WDR43: variants seen among roughly 807,000 people sequenced by gnomAD.
WDR43 encodes WD repeat-containing protein 43.
WDR43 carries 13 observed loss-of-function variants against 91.4 expected under a neutral mutation model. The ratio of observed to expected loss-of-function variants is 0.14; its 90% CI spans 0.09 to 0.23. The LOEUF (loss-of-function observed/expected upper bound fraction) is 0.23, where lower values mean the gene tolerates loss of function less well. Among genes scored for constraint, WDR43 ranks in the 10% least tolerant of loss-of-function variants. The pLI is 1.00. For missense variants in WDR43, 780 were observed against 809.4 expected (o/e 0.96, Z 0.44); for synonymous variants, 331 against 287.9 (o/e 1.15, Z -1.51).
chr2:28,916,959 A>C (rs1446083272), intron 5 of WDR43, among the ~76,000 whole-genome samples: 1 of 152,182 alleles, frequency 6.6e-6, no homozygotes, highest in African/African-American at 2.4e-5. Context: ...ACTACAACTC[A>C]TGTCTGAGTG....
At chr2:28,899,325 CAT>C (rs1274258409) in intron 1 of WDR43, among the ~76,000 whole-genome samples, 3 of 152,148 alleles carry the variant, frequency 2.0e-5, no homozygotes, top group South Asian at 2.1e-4. Context: ...CAGGGTATGA[CAT>C]GTGTCTTAAG....
At chr2:28,943,880 G>C (rs1022550049) in intron 16 of WDR43, among the ~76,000 whole-genome samples, 2 of 152,166 alleles carry the variant, frequency 1.3e-5, no homozygotes, top group African/African-American at 2.4e-5. Context: ...TGCTGTGGTG[G>C]GAGTACATGT....
At chr2:28,935,745 G>T in intron 12 of WDR43, 138 bp downstream of exon 12, 16 of 139,802 alleles carry the variant, frequency 1.1e-4, no homozygotes, top group Admixed American at 1.5e-4. Context: ...AAGTACTTTA[G>T]ACAAAAAAAA....
At chr2:28,897,398 C>G (rs1023315496) in intron 1 of WDR43, among the ~76,000 whole-genome samples, 1 of 152,018 alleles carries the variant, frequency 6.6e-6, no homozygotes, top group Non-Finnish European at 1.5e-5. Flanking sequence ...TGCTCTGAAC[C>G]CACTTTCCAG....
chr2:28,947,697 T>A lies in WDR43; in HGVS notation c.*918T>A, dbSNP rs1247551688. The A allele has an allele frequency of 6.6e-6, 1 of 151,798 alleles. No individual in the cohort carries two copies. The highest frequency in any genetic ancestry group is 1.5e-5 in the Non-Finnish European group (1 of 67,926). The allele number at this position is 151,798 out of a possible 1,614,324, so 9.4% of individuals were successfully genotyped here. A position where few individuals can be genotyped will look rare whatever the true frequency, so the allele number is the denominator to read the frequency against. ...GTTGGAATTTTTTTTCCAAAGAAAA[T>A]ATTTTTATAATTAAATAATTTAATG... On this transcript the variant is annotated 3_prime_UTR_variant, in exon 18 of 18. Coordinates refer to ENST00000407426, the MANE Select transcript of WDR43 (RefSeq NM_015131.3).
intron 3 of WDR43, among the ~76,000 whole-genome samples, chr2:28,909,891 G>A (rs1214162707): frequency 5.9e-5 from 9 of 152,154 alleles, no homozygotes; most frequent in African/African-American, 2.2e-4. Flanking sequence ...AGTATTGATT[G>A]GAAGGCTTGG....
At chr2:28,932,422 C>T (rs1404859129) in intron 11 of WDR43, among the ~76,000 whole-genome samples, 1 of 152,176 alleles carries the variant, frequency 6.6e-6, no homozygotes, top group Non-Finnish European at 1.5e-5. Flanking sequence ...CTTGGCCTCC[C>T]AGAATGCTGG....
At chr2:28,912,924 A>G (rs6730523) in intron 4 of WDR43, among the ~76,000 whole-genome samples, 101,246 of 150,206 alleles carry the variant, frequency 0.67, 34,779 homozygotes, top group East Asian at 0.85. Context: ...AAAAATGAAC[A>G]GAACCAATAT....
At chr2:28,911,761 A>G (rs1670805667) in intron 3 of WDR43, among the ~76,000 whole-genome samples, 1 of 151,880 alleles carries the variant, frequency 6.6e-6, no homozygotes, top group Non-Finnish European at 1.5e-5. Context: ...CCTCCAGAGT[A>G]GCTGGGACTA....
In WDR43 at chr2:28,925,104, C is replaced by T. The variant is rs1671103213; in HGVS notation, c.1037C>T (p.Ser346Leu). Residue 346 changes from serine to leucine, a missense_variant, in exon 8 of 18, where the codon TCA becomes TTA. Around this residue, in one of 4 missense-constraint regions of WDR43, gnomAD observed 426 missense variants for 467.8 expected, o/e 0.91. Coordinates refer to ENST00000407426, the MANE Select transcript of WDR43 (RefSeq NM_015131.3). ...GCTGGTTTTTGCTCAGACAAAATGT[C>T]ATTGTTGCTTGTATATGGCAGTTGG... is the stretch of plus-strand genomic sequence containing the variant. ...LAAGFCSDKM[S>L]LLLVYGSWFQ... is the part of the protein sequence containing the mutation. 6.2e-7 allele frequency: 1 copy of T among 1,613,778 alleles called. No homozygotes were observed. Among genetic ancestry groups the T allele is most frequent in the African/African-American group, 1.3e-5 (1 of 74,896 alleles).
At chr2:28,896,746 C>G (rs1303884193) in intron 1 of WDR43, among the ~76,000 whole-genome samples, 1 of 152,160 alleles carries the variant, frequency 6.6e-6, no homozygotes, top group Non-Finnish European at 1.5e-5. Context: ...ATGTGCAACA[C>G]TATGGTAAAC....
chr2:28,943,127 A>T (rs566409302), intron 16 of WDR43, among the ~76,000 whole-genome samples: 28 of 152,308 alleles, frequency 1.8e-4, no homozygotes, highest in South Asian at 1.5e-3. Flanking sequence ...AGGCCTTCAA[A>T]GAACAAATCT....
chr2:28,914,344 T>G (rs1670865797), intron 5 of WDR43, 136 bp downstream of exon 5: 7 of 1,133,302 alleles, frequency 6.2e-6, no homozygotes, highest in Admixed American at 3.3e-5. Context: ...AATAAAAAAT[T>G]GAGCCTGCCT....
chr2:28,929,825 A>C, intron 11 of WDR43, 115 bp downstream of exon 11: 1 of 1,131,922 alleles, frequency 8.8e-7, no homozygotes, highest in Non-Finnish European at 1.3e-6. Flanking sequence ...TTGGAATGTA[A>C]TGTTTTATGA....
chr2:28,946,287 C>CAA (rs753417663), intron 16 of WDR43, among the ~76,000 whole-genome samples, 163 bp from the exon 17 acceptor site: 1 of 130,004 alleles, frequency 7.7e-6, no homozygotes, highest in East Asian at 2.2e-4. Flanking sequence ...CTCCAGCCTG[C>CAA]AAAAAAAAAA....
chr2:28,901,929 T>G, intron 1 of WDR43, 58 bp from the exon 2 acceptor site: 1 of 1,487,936 alleles, frequency 6.7e-7, no homozygotes, highest in South Asian at 1.3e-5. Context: ...ATTTGTTCAT[T>G]AACGATGTTT....
intron 12 of WDR43, 122 bp from the exon 13 acceptor site, chr2:28,936,800 G>C (rs115869444): frequency 0.018 from 16,112 of 872,220 alleles, 217 homozygotes; most frequent in Middle Eastern, 0.039. Flanking sequence ...ACTGTATTAT[G>C]CGGTTTAAAA....
At chr2:28,914,318 A>G (rs756512622) in intron 5 of WDR43, 110 bp downstream of exon 5, 54 of 1,290,946 alleles carry the variant, frequency 4.2e-5, no homozygotes, top group Non-Finnish European at 5.2e-5. Flanking sequence ...CTAATGTTGG[A>G]TTTACATTGA....
At chr2:28,933,624 A>G (rs1176354730) in intron 11 of WDR43, among the ~76,000 whole-genome samples, 3 of 152,218 alleles carry the variant, frequency 2.0e-5, no homozygotes, top group Non-Finnish European at 4.4e-5. Context: ...AATATTAGCA[A>G]CTCATGTTAG....
Sources: allele counts gnomAD v4.1 joint callset (sites outside exome capture counted in the v4.1 genomes callset), GRCh38; gene constraint gnomAD v4.1.1; regional missense constraint gnomAD v4.1.1; transcripts MANE v1.5; gene names NCBI Gene and HGNC (gene_info 2026-07-23, HGNC 2026-07-21).